The following HEMK2 variants were observed in gnomAD, a reference collection of about 807,000 sequenced individuals.
The protein encoded by HEMK2 is HemK methyltransferase 2, ETF1 glutamine and histone H4 lysine.
the HEMK2 span, among the ~76,000 whole-genome samples, chr21:28,643,890 C>T: frequency 6.6e-6 from 1 of 152,208 alleles, no homozygotes; most frequent in African/African-American, 2.4e-5. Flanking sequence ...AGTGTCCTGC[C>T]ATCTTGTGAT....
chr21:28,843,857 G>A, the HEMK2 span, among the ~76,000 whole-genome samples: 3 of 152,126 alleles, frequency 2.0e-5, no homozygotes, highest in African/African-American at 7.2e-5. Flanking sequence ...AGTAAAATGT[G>A]TAATTCAGGA....
At chr21:28,641,665 C>G in the HEMK2 span, among the ~76,000 whole-genome samples, 4 of 152,190 alleles carry the variant, frequency 2.6e-5, no homozygotes, top group Non-Finnish European at 5.9e-5. Context: ...TCTACAAACC[C>G]TAATGAACAG....
chr21:28,743,055 A>G, the HEMK2 span, among the ~76,000 whole-genome samples: 1 of 152,208 alleles, frequency 6.6e-6, no homozygotes, highest in Non-Finnish European at 1.5e-5. Context: ...GGGATTTAGT[A>G]TCTGCTCACG....
chr21:28,752,971 C>T, the HEMK2 span, among the ~76,000 whole-genome samples: 3 of 152,082 alleles, frequency 2.0e-5, no homozygotes, highest in Admixed American at 6.5e-5. Context: ...TCATGAACCA[C>T]GAATGGTTCT....
At chr21:28,845,477 C>A in the HEMK2 span, among the ~76,000 whole-genome samples, 3 of 152,018 alleles carry the variant, frequency 2.0e-5, no homozygotes, top group Non-Finnish European at 4.4e-5. Flanking sequence ...AATGCCAATT[C>A]TAATTTTACT....
At chr21:28,763,404 G>A in the HEMK2 span, among the ~76,000 whole-genome samples, 1 of 152,148 alleles carries the variant, frequency 6.6e-6, no homozygotes, top group Admixed American at 6.5e-5. Flanking sequence ...AGAGCAAGAG[G>A]AGGAGGTCAG....
the HEMK2 span, chr21:28,878,067 C>T: frequency 1.3e-6 from 1 of 777,770 alleles, no homozygotes; most frequent in Non-Finnish European, 1.9e-6. Context: ...TAGCTACTGT[C>T]AGTGATTAAC....
chr21:28,835,875 T>C, the HEMK2 span, among the ~76,000 whole-genome samples: 2 of 151,578 alleles, frequency 1.3e-5, no homozygotes. Flanking sequence ...ATTGAACAAG[T>C]AGAAGAAAGA....
chr21:28,582,432 G>A, the HEMK2 span, among the ~76,000 whole-genome samples: 1 of 152,214 alleles, frequency 6.6e-6, no homozygotes, highest in Non-Finnish European at 1.5e-5. Flanking sequence ...CACCTGGGGG[G>A]AATCAAGTAT....
At chr21:28,879,946 C>A in the HEMK2 span, 103 of 1,598,208 alleles carry the variant, frequency 6.4e-5, no homozygotes, top group Non-Finnish European at 8.4e-5. Flanking sequence ...TGGTAGCAAG[C>A]CTTTGACCTA....
chr21:28,795,947 G>T, the HEMK2 span, among the ~76,000 whole-genome samples: 1 of 152,124 alleles, frequency 6.6e-6, no homozygotes, highest in Non-Finnish European at 1.5e-5. Flanking sequence ...TTTGTTGGTT[G>T]TTCCTTACCT....
chr21:28,881,550 G>C, the HEMK2 span, among the ~76,000 whole-genome samples: 1 of 151,964 alleles, frequency 6.6e-6, no homozygotes, highest in African/African-American at 2.4e-5. Flanking sequence ...AGCCACCAGA[G>C]AGAAGTTCAG....
chr21:28,637,869 A>C, the HEMK2 span, among the ~76,000 whole-genome samples: 1 of 152,190 alleles, frequency 6.6e-6, no homozygotes, highest in African/African-American at 2.4e-5. Context: ...TTCTAATTTG[A>C]TTTGAATCCA....
At chr21:28,761,475 G>C in the HEMK2 span, among the ~76,000 whole-genome samples, 1 of 152,166 alleles carries the variant, frequency 6.6e-6, no homozygotes, top group African/African-American at 2.4e-5. Context: ...GCATCTCATT[G>C]TATCATAGAT....
At chr21:28,693,323 C>G in the HEMK2 span, among the ~76,000 whole-genome samples, 2 of 152,038 alleles carry the variant, frequency 1.3e-5, no homozygotes, top group African/African-American at 4.8e-5. Context: ...GGCATAGAAG[C>G]GTGCACCATT....
the HEMK2 span, among the ~76,000 whole-genome samples, chr21:28,866,169 A>AG: frequency 7.9e-6 from 1 of 125,986 alleles, no homozygotes; most frequent in Non-Finnish European, 1.6e-5. Flanking sequence ...AACAAACAAA[A>AG]AAAAAAACAC....
chr21:28,600,915 A>G, the HEMK2 span, among the ~76,000 whole-genome samples: 1 of 152,194 alleles, frequency 6.6e-6, no homozygotes, highest in Non-Finnish European at 1.5e-5. Flanking sequence ...CCAGTTTCCA[A>G]TAAGTTCCAA....
At chr21:28,849,346 A>T in the HEMK2 span, among the ~76,000 whole-genome samples, 1 of 152,138 alleles carries the variant, frequency 6.6e-6, no homozygotes, top group African/African-American at 2.4e-5. Context: ...TAAAAGCAAA[A>T]AAACAACAAC....
At chr21:28,728,166 G>C in the HEMK2 span, among the ~76,000 whole-genome samples, 1 of 152,210 alleles carries the variant, frequency 6.6e-6, no homozygotes, top group East Asian at 1.9e-4. Context: ...AACTAATTCA[G>C]TGCCCTAATA....
Sources: allele counts gnomAD v4.1 joint callset (sites outside exome capture counted in the v4.1 genomes callset), GRCh38; gene constraint gnomAD v4.1.1; transcripts MANE v1.5; gene names NCBI Gene and HGNC (gene_info 2026-07-23, HGNC 2026-07-21).